Variants in NTRK3 observed in about 807,000 individuals in gnomAD.
NTRK3 encodes neurotrophic receptor tyrosine kinase 3, also known as NT-3 growth factor receptor.
A neutral mutation model predicts 91.7 loss-of-function variants in NTRK3; 24 were observed. That is an observed-to-expected ratio of 0.26 (90% CI 0.19 to 0.37). The LOEUF (loss-of-function observed/expected upper bound fraction) is 0.37, where lower values mean the gene tolerates loss of function less well. Among genes scored for constraint, NTRK3 ranks in the 10% least tolerant of loss-of-function variants. The probability of loss-of-function intolerance (pLI) is 1.00; values close to 1 mark genes in which losing one functional copy is unlikely to be tolerated. For missense variants in NTRK3, 880 were observed against 1,068.9 expected, an observed-to-expected ratio of 0.82 and a Z score of 2.46; for synonymous variants, 483 against 404.0, an observed-to-expected ratio of 1.20 and a Z score of -2.34.
chr15:88,253,750 G>C (rs1366038971), intron 3 of NTRK3, among the ~76,000 whole-genome samples: 1 of 152,098 alleles, frequency 6.6e-6, no homozygotes, highest in African/African-American at 2.4e-5. Flanking sequence ...CCTGAAACAA[G>C]AATGGGGACA....
exon 19 of NTRK3, chr15:87,862,157 G>C (rs1442691055): frequency 4.6e-6 from 1 of 219,716 alleles, no homozygotes; most frequent in Non-Finnish European, 9.1e-6. Flanking sequence ...AGAGAATCTT[G>C]TGCCATGGCC....
chr15:88,205,911 C>T (rs1004568101), intron 3 of NTRK3: 38 of 152,290 alleles, frequency 2.5e-4, no homozygotes, highest in African/African-American at 8.5e-4. Context: ...TGGAGTGTGC[C>T]TTATGAATGT....
intron 3 of NTRK3, among the ~76,000 whole-genome samples, chr15:88,213,867 G>C (rs1190654043): frequency 6.6e-6 from 1 of 152,142 alleles, no homozygotes; most frequent in Non-Finnish European, 1.5e-5. Context: ...ATCACCTGAG[G>C]TCAGGAGTTC....
chr15:88,036,770 A>C (rs1238639224), intron 13 of NTRK3, among the ~76,000 whole-genome samples: 1 of 152,232 alleles, frequency 6.6e-6, no homozygotes, highest in African/African-American at 2.4e-5. Context: ...GCAGGAAGAC[A>C]CAAAGACCAC....
chr15:88,143,210 G>A (rs1308777420), intron 6 of NTRK3, among the ~76,000 whole-genome samples: 3 of 152,192 alleles, frequency 2.0e-5, no homozygotes, highest in Admixed American at 2.0e-4. Context: ...GCTACAGAGT[G>A]AGACTGTCTC....
At chr15:88,059,012 C>T (rs899119792) in intron 13 of NTRK3, among the ~76,000 whole-genome samples, 1 of 151,990 alleles carries the variant, frequency 6.6e-6, no homozygotes, top group African/African-American at 2.4e-5. Context: ...GGAAAGCCCA[C>T]AGAAGGTGCA....
At chr15:87,950,443 C>T (rs527265085) in intron 14 of NTRK3, among the ~76,000 whole-genome samples, 8 of 152,176 alleles carry the variant, frequency 5.3e-5, no homozygotes, top group Non-Finnish European at 1.0e-4. Context: ...GGCAGCAGCA[C>T]CCCCCAAAAT....
chr15:88,197,119 A>C (rs1053791184), intron 3 of NTRK3, among the ~76,000 whole-genome samples: 1 of 143,070 alleles, frequency 7.0e-6, no homozygotes, highest in Non-Finnish European at 1.5e-5. Context: ...AAAAAAAAAA[A>C]AAAAAAAACC....
chr15:88,035,143 A>C (rs2078957295), intron 13 of NTRK3, among the ~76,000 whole-genome samples: 2 of 152,200 alleles, frequency 1.3e-5, no homozygotes, highest in Non-Finnish European at 2.9e-5. Flanking sequence ...GGAAAGAGGA[A>C]AGAGTTGAAG....
At chr15:87,938,310 T>C (rs971255347) in intron 15 of NTRK3, among the ~76,000 whole-genome samples, 8 of 152,218 alleles carry the variant, frequency 5.3e-5, no homozygotes, top group African/African-American at 1.9e-4. Flanking sequence ...TGGGTTATAC[T>C]TGTATGTGTT....
At chr15:88,242,816 G>C (rs1475047969) in intron 3 of NTRK3, among the ~76,000 whole-genome samples, 1 of 152,230 alleles carries the variant, frequency 6.6e-6, no homozygotes, top group Non-Finnish European at 1.5e-5. Flanking sequence ...AGACACCTGG[G>C]CACCCCACAG....
intron 5 of NTRK3, among the ~76,000 whole-genome samples, chr15:88,182,361 C>T (rs1301231625): frequency 2.0e-5 from 3 of 152,208 alleles, no homozygotes; most frequent in African/African-American, 7.2e-5. Context: ...CCTTTCCCCA[C>T]CTTCCCTACC....
At chr15:87,982,118 G>C (rs762893531) in intron 14 of NTRK3, among the ~76,000 whole-genome samples, 32 of 152,218 alleles carry the variant, frequency 2.1e-4, no homozygotes, top group Non-Finnish European at 4.0e-4. Context: ...TGTCCCCGAA[G>C]CTGCCTTCGT....
In NTRK3 at chr15:88,164,882, T is replaced by C. The variant is rs572746926; in HGVS notation, c.396-17479A>G. Among the ~76,000 whole-genome samples the C allele has an allele frequency of 1.4e-4, 21 of 152,300 alleles. No individual in the cohort carries two copies. In the South Asian group the frequency reaches 4.1e-3, roughly 30 times the overall value. ...GCCTCTCTTGTCCAATTCTGCAAAA[T>C]GTTTGGGAAATGCAGTGTTCATGCC... is the stretch of plus-strand genomic sequence containing the variant. On this transcript the variant is annotated intron_variant, in intron 5 of 18. Coordinates refer to ENST00000394480, the Ensembl canonical transcript of NTRK3.
chr15:87,877,456 C>T (rs1203382076), intron 18 of NTRK3, among the ~76,000 whole-genome samples: 1 of 152,118 alleles, frequency 6.6e-6, no homozygotes, highest in Non-Finnish European at 1.5e-5. Flanking sequence ...GACTGAGCTG[C>T]ATTCATTTTT....
At chr15:88,229,489 T>A (rs1261217551) in intron 3 of NTRK3, among the ~76,000 whole-genome samples, 1 of 152,194 alleles carries the variant, frequency 6.6e-6, no homozygotes, top group African/African-American at 2.4e-5. Context: ...GAGGAGGGAC[T>A]ACATCCTCCT....
At chr15:88,077,107 T>A (rs182096815) in intron 13 of NTRK3, among the ~76,000 whole-genome samples, 6 of 152,046 alleles carry the variant, frequency 3.9e-5, no homozygotes, top group Non-Finnish European at 8.8e-5. Context: ...AATAAATAAA[T>A]AAAACATTTT....
At chr15:88,156,619 T>TG (rs2151393602) in intron 5 of NTRK3, among the ~76,000 whole-genome samples, 1 of 152,220 alleles carries the variant, frequency 6.6e-6, no homozygotes, top group African/African-American at 2.4e-5. Context: ...GCAAGCACAG[T>TG]GTGAGTGGTT....
At chr15:88,040,481 C>T (rs140319701) in intron 13 of NTRK3, among the ~76,000 whole-genome samples, 76 of 152,260 alleles carry the variant, frequency 5.0e-4, no homozygotes, top group Middle Eastern at 3.4e-3. Context: ...GAAAAAGGAG[C>T]GGCCTCCCAG....
Sources: allele counts gnomAD v4.1 joint callset (sites outside exome capture counted in the v4.1 genomes callset), GRCh38; gene constraint gnomAD v4.1.1; transcripts MANE v1.5; gene names NCBI Gene and HGNC (gene_info 2026-07-23, HGNC 2026-07-21).